Variants in MTUS2 observed in about 807,000 individuals in gnomAD.
The protein encoded by MTUS2 is microtubule associated scaffold protein 2.
MTUS2 carries 40 observed loss-of-function variants against 114.1 expected under a neutral mutation model. That is an observed-to-expected ratio of 0.35 (90% CI 0.27 to 0.46). The LOEUF (loss-of-function observed/expected upper bound fraction) is 0.46. Among genes scored for constraint, MTUS2 ranks in the 20% least tolerant of loss-of-function variants. The pLI, the probability that MTUS2 is intolerant of heterozygous loss-of-function variation, is 1.00. For missense variants in MTUS2, 1,679 were observed against 1,705.4 expected, an observed-to-expected ratio of 0.98 and a Z score of 0.27; for synonymous variants, 688 against 672.0, an observed-to-expected ratio of 1.02 and a Z score of -0.37.
At chr13:29,412,244 A>G (rs1875298889) in intron 8 of MTUS2, among the ~76,000 whole-genome samples, 1 of 152,188 alleles carries the variant, frequency 6.6e-6, no homozygotes, top group African/African-American at 2.4e-5. Flanking sequence ...AAGGTGTTTT[A>G]TCAAGTTAAG....
chr13:28,952,703 C>A (rs894053839), intron 2 of MTUS2, among the ~76,000 whole-genome samples: 1 of 152,190 alleles, frequency 6.6e-6, no homozygotes, highest in African/African-American at 2.4e-5. Flanking sequence ...ATTAAACACA[C>A]TTTTCTGTAT....
intron 2 of MTUS2, among the ~76,000 whole-genome samples, chr13:28,938,644 C>G (rs1354972833): frequency 6.6e-6 from 1 of 152,012 alleles, no homozygotes; most frequent in Middle Eastern, 3.2e-3. Flanking sequence ...CCCCCAAATT[C>G]TCTGTATGGG....
At chr13:28,997,839 T>A (rs543098913) in intron 2 of MTUS2, among the ~76,000 whole-genome samples, 1 of 152,328 alleles carries the variant, frequency 6.6e-6, no homozygotes, top group African/African-American at 2.4e-5. Flanking sequence ...CTTGACTCTT[T>A]ATCCAATTTG....
At chr13:29,327,495 T>G (rs965332490) in intron 7 of MTUS2, among the ~76,000 whole-genome samples, 3 of 152,228 alleles carry the variant, frequency 2.0e-5, no homozygotes, top group African/African-American at 7.2e-5. Context: ...AATGGAATCA[T>G]TTAATATGTA....
intron 5 of MTUS2, among the ~76,000 whole-genome samples, chr13:29,157,602 G>A (rs756750744): frequency 4.6e-5 from 7 of 152,126 alleles, no homozygotes; most frequent in Non-Finnish European, 8.8e-5. Flanking sequence ...TTTCCTAGCC[G>A]TGGCTGCTAT....
chr13:29,285,021 A>G (rs1018003572), intron 6 of MTUS2, among the ~76,000 whole-genome samples: 1 of 152,142 alleles, frequency 6.6e-6, no homozygotes, highest in Non-Finnish European at 1.5e-5. Context: ...GCTAAGAAGA[A>G]TATAAAAACT....
chr13:29,181,059 A>G (rs1218607223), intron 5 of MTUS2, among the ~76,000 whole-genome samples: 4 of 152,146 alleles, frequency 2.6e-5, no homozygotes, highest in Non-Finnish European at 4.4e-5. Context: ...AGAAGAAACA[A>G]TATGGCAATT....
chr13:29,290,058 G>A (rs1898643231), intron 6 of MTUS2, among the ~76,000 whole-genome samples: 3 of 152,164 alleles, frequency 2.0e-5, no homozygotes, highest in Admixed American at 6.5e-5. Flanking sequence ...GAACTTACCT[G>A]TCGTTCTACA....
chr13:28,898,881 G>T (rs1045840521), intron 2 of MTUS2, among the ~76,000 whole-genome samples: 1 of 152,184 alleles, frequency 6.6e-6, no homozygotes, highest in South Asian at 2.1e-4. Context: ...TGATTGAACT[G>T]TGCATAGTGT....
At chr13:29,188,944 C>A (rs1894334964) in intron 5 of MTUS2, among the ~76,000 whole-genome samples, 1 of 152,050 alleles carries the variant, frequency 6.6e-6, no homozygotes, top group African/African-American at 2.4e-5. Flanking sequence ...ATTCTTCAGA[C>A]CCCCTACACA....
chr13:29,367,697 G>A lies in MTUS2; in HGVS notation c.3117+8224G>A, dbSNP rs955825879. On this transcript the variant is annotated intron_variant, in intron 8 of 15. Transcript: ENST00000612955. The stretch of plus-strand genomic sequence containing the variant: ...CTAAGTGGATTCAAGATGCCCAGAC[G>A]ATAAAGGATGAACCCACCCCACCCC... 5.3e-5 allele frequency among the ~76,000 whole-genome samples: 8 copies of A among 152,178 alleles called. No individual in the cohort carries two copies. The South Asian group carries it at 1.2e-3, about 24-fold the overall frequency.
chr13:29,329,614 C>CTT (rs34216714), intron 7 of MTUS2, among the ~76,000 whole-genome samples: 2 of 106,028 alleles, frequency 1.9e-5, no homozygotes, highest in African/African-American at 3.1e-5. Flanking sequence ...GTGCATGTGT[C>CTT]TTTTTTTTTT....
chr13:29,178,617 A>G (rs1893871757), intron 5 of MTUS2, among the ~76,000 whole-genome samples: 1 of 152,102 alleles, frequency 6.6e-6, no homozygotes, highest in Admixed American at 6.5e-5. Flanking sequence ...AGATACTGCC[A>G]GATGTCCCTT....
intron 5 of MTUS2, among the ~76,000 whole-genome samples, 172 bp downstream of exon 5, chr13:29,101,142 A>G (rs928876585): frequency 2.6e-5 from 4 of 152,116 alleles, no homozygotes; most frequent in Non-Finnish European, 4.4e-5. Flanking sequence ...TGACACCATC[A>G]GTTATGGGGA....
At chr13:29,375,510 G>A (rs3125697) in intron 8 of MTUS2, among the ~76,000 whole-genome samples, 50,314 of 66,716 alleles carry the variant, frequency 0.75, 21,153 homozygotes, top group East Asian at 0.83. Context: ...CTTTGCACCA[G>A]CCTACTATAT....
chr13:29,032,208 T>C (rs1034816913), intron 3 of MTUS2, among the ~76,000 whole-genome samples: 2 of 152,154 alleles, frequency 1.3e-5, no homozygotes, highest in African/African-American at 4.8e-5. Context: ...TTAAAGAATT[T>C]GCGATCTCAC....
At chr13:29,299,358 C>T (rs1157818088) in intron 6 of MTUS2, among the ~76,000 whole-genome samples, 1 of 152,128 alleles carries the variant, frequency 6.6e-6, no homozygotes, top group African/African-American at 2.4e-5. Context: ...GGATGGGCCT[C>T]CATTTGTTCA....
intron 2 of MTUS2, among the ~76,000 whole-genome samples, chr13:28,992,182 A>G (rs575843188): frequency 1.3e-5 from 2 of 152,346 alleles, no homozygotes; most frequent in South Asian, 4.1e-4. Flanking sequence ...TGGAAACCAA[A>G]ACCAGGAAGG....
At chr13:29,388,588 A>G (rs1872791167) in intron 8 of MTUS2, among the ~76,000 whole-genome samples, 1 of 151,950 alleles carries the variant, frequency 6.6e-6, no homozygotes. Flanking sequence ...ATTGTTTATA[A>G]TTGTCAAAGT....
Sources: gnomAD v4.1 joint callset for allele counts (sites outside exome capture counted in the v4.1 genomes callset) on GRCh38, gnomAD v4.1.1 for gene constraint, MANE v1.5 for transcripts, NCBI Gene and HGNC (gene_info 2026-07-23, HGNC 2026-07-21) for gene names.